The following KLHL29 variants were observed in gnomAD, a reference collection of about 807,000 sequenced individuals.
KLHL29 encodes the protein kelch-like protein 29.
Under a neutral mutation model 80.4 loss-of-function variants are expected in KLHL29, and 21 were observed. That is an observed-to-expected ratio of 0.26 (90% CI 0.19 to 0.38). The LOEUF is 0.38. KLHL29 is among the 10% of genes least tolerant of loss of function. The pLI is 1.00. For missense variants in KLHL29, 867 were observed against 1,223.9 expected, an observed-to-expected ratio of 0.71 and a Z score of 4.35; for synonymous variants, 511 against 526.8, an observed-to-expected ratio of 0.97 and a Z score of 0.41.
intron 1 of KLHL29, among the ~76,000 whole-genome samples, chr2:23,443,626 G>A (rs1426966763): frequency 6.6e-6 from 1 of 152,104 alleles, no homozygotes; most frequent in Non-Finnish European, 1.5e-5. Context: ...TGTATCTCCT[G>A]TAAATTGAAA....
intron 13 of KLHL29, among the ~76,000 whole-genome samples, chr2:23,705,576 C>T (rs568881848): frequency 4.6e-5 from 7 of 151,996 alleles, no homozygotes; most frequent in Admixed American, 1.3e-4. Flanking sequence ...ATAGGTGCAC[C>T]ACAGAAGGAA....
intron 1 of KLHL29, among the ~76,000 whole-genome samples, chr2:23,425,770 A>T (rs542572962): frequency 6.6e-6 from 1 of 152,136 alleles, no homozygotes; most frequent in African/African-American, 2.4e-5. Context: ...CTGTCACATG[A>T]CTTGGCAGAA....
At chr2:23,410,913 C>T (rs1405657911) in intron 1 of KLHL29, among the ~76,000 whole-genome samples, 1 of 152,114 alleles carries the variant, frequency 6.6e-6, no homozygotes, top group African/African-American at 2.4e-5. Context: ...AGAGATGGAA[C>T]TTGGAAGTCT....
chr2:23,593,242 G>T (rs549193253), intron 3 of KLHL29, among the ~76,000 whole-genome samples: 15 of 152,294 alleles, frequency 9.8e-5, no homozygotes, highest in African/African-American at 3.6e-4. Flanking sequence ...TGATCCTGAG[G>T]CTCAAAAATG....
At chr2:23,578,889 A>G (rs1480668533) in intron 3 of KLHL29, among the ~76,000 whole-genome samples, 1 of 152,248 alleles carries the variant, frequency 6.6e-6, no homozygotes, top group Non-Finnish European at 1.5e-5. Flanking sequence ...TCAATTAGAC[A>G]TGTATTGGCA....
chr2:23,459,081 C>A (rs1412541971), intron 1 of KLHL29, among the ~76,000 whole-genome samples: 2 of 152,048 alleles, frequency 1.3e-5, no homozygotes, highest in Non-Finnish European at 2.9e-5. Context: ...TCATAATGGG[C>A]TGGGTATGGA....
chr2:23,407,487 A>G (rs1666763172), intron 1 of KLHL29, among the ~76,000 whole-genome samples: 1 of 151,284 alleles, frequency 6.6e-6, no homozygotes, highest in African/African-American at 2.4e-5. Flanking sequence ...GATTTTTAAG[A>G]GCTCTTTATG....
chr2:23,437,212 C>A (rs1020514825), intron 1 of KLHL29, among the ~76,000 whole-genome samples: 2 of 152,214 alleles, frequency 1.3e-5, no homozygotes, highest in Non-Finnish European at 2.9e-5. Context: ...AATCAACAGT[C>A]ATTCTAATCT....
intron 1 of KLHL29, among the ~76,000 whole-genome samples, chr2:23,389,707 G>A (rs1003516518): frequency 6.6e-6 from 1 of 151,862 alleles, no homozygotes; most frequent in Non-Finnish European, 1.5e-5. Flanking sequence ...AAAGGGGGGG[G>A]CGGAATATAT....
intron 3 of KLHL29, among the ~76,000 whole-genome samples, chr2:23,581,128 T>C (rs1465261403): frequency 2.6e-5 from 4 of 151,736 alleles, no homozygotes; most frequent in Non-Finnish European, 4.4e-5. Context: ...TCCGAGAAAA[T>C]AAGGAGTGTA....
At chr2:23,514,962 A>G (rs1408620543) in intron 2 of KLHL29, among the ~76,000 whole-genome samples, 1 of 152,136 alleles carries the variant, frequency 6.6e-6, no homozygotes, top group Admixed American at 6.5e-5. Context: ...TCTCAGTAGA[A>G]TTTCACCACC....
At chr2:23,447,624 GCTCCCCTGAGT>G (rs1228968242) in intron 1 of KLHL29, among the ~76,000 whole-genome samples, 1 of 152,124 alleles carries the variant, frequency 6.6e-6, no homozygotes, top group Non-Finnish European at 1.5e-5. Context: ...GGATGACCAG[GCTCCCCTGAGT>G]CTCAGTGTCT....
intron 2 of KLHL29, among the ~76,000 whole-genome samples, chr2:23,538,339 G>A (rs1474713179): frequency 6.6e-6 from 1 of 152,232 alleles, no homozygotes; most frequent in Non-Finnish European, 1.5e-5. Context: ...TTTTAAGGAA[G>A]CCAGATGGCA....
rs532666403 is a variant in KLHL29, at chr2:23,503,032, A to C, written c.-46+27365A>C. On this transcript the variant is annotated intron_variant, in intron 2 of 13. Coordinates refer to ENST00000486442, the MANE Select transcript of KLHL29 (RefSeq NM_052920.2). The surrounding 1 kb of genome is among the most constrained non-coding windows in gnomAD (Gnocchi z 4.0). ...TACAGTTGTATTTTCCTCTTTAATC[A>C]TAAGGATTTACATCAGGAAAAATAA... Among the ~76,000 whole-genome samples the C allele has an allele frequency of 6.6e-6, 1 of 151,942 alleles. No individual in the cohort carries two copies. The highest frequency in any genetic ancestry group is 1.5e-5 in the Non-Finnish European group (1 of 67,978).
At chr2:23,480,561 A>AT (rs1197216771) in intron 2 of KLHL29, among the ~76,000 whole-genome samples, 1 of 152,206 alleles carries the variant, frequency 6.6e-6, no homozygotes, top group Non-Finnish European at 1.5e-5. Context: ...TCATGAGGAT[A>AT]TCAGTGTGTT....
intron 3 of KLHL29, among the ~76,000 whole-genome samples, chr2:23,573,673 T>G (rs1667772252): frequency 6.6e-6 from 1 of 152,198 alleles, no homozygotes; most frequent in Non-Finnish European, 1.5e-5. Flanking sequence ...GATCGCATGG[T>G]CCAGCCCCAG....
intron 1 of KLHL29, among the ~76,000 whole-genome samples, chr2:23,432,340 G>A (rs1316968702): frequency 3.3e-5 from 5 of 152,120 alleles, no homozygotes; most frequent in African/African-American, 1.2e-4. Context: ...TTTGCCCTAC[G>A]AGCAACACAC....
chr2:23,540,862 C>T lies in KLHL29; in HGVS notation c.-45-21290C>T, dbSNP rs117268535. Among the ~76,000 whole-genome samples, 16 of 152,342 alleles carry T rather than the reference C, an allele frequency of 1.1e-4. No homozygotes were observed. The East Asian group carries it at 3.1e-3, about 29-fold the overall frequency. On this transcript the variant is annotated intron_variant, in intron 2 of 13. Transcript: ENST00000486442. ...AGGCCCTGCTTACATCTTTTCTGGG[C>T]ATGATCCTGAAGGAAGAGAGACCTT... is the stretch of plus-strand genomic sequence containing the variant.
At chr2:23,460,661 A>C (rs1485342286) in intron 1 of KLHL29, among the ~76,000 whole-genome samples, 1 of 152,088 alleles carries the variant, frequency 6.6e-6, no homozygotes, top group Non-Finnish European at 1.5e-5. Context: ...TGGAGGCCAC[A>C]GGTGTGGAAA....
Sources: gnomAD v4.1 joint callset for allele counts (sites outside exome capture counted in the v4.1 genomes callset) on GRCh38, gnomAD v4.1.1 for gene constraint, Gnocchi (gnomAD v3.1) non-coding constraint, MANE v1.5 for transcripts, NCBI Gene and HGNC (gene_info 2026-07-23, HGNC 2026-07-21) for gene names.